Variants in NCOA2 observed in about 807,000 individuals in gnomAD.
The protein encoded by NCOA2 is nuclear receptor coactivator 2, also known as class E basic helix-loop-helix protein 75.
NCOA2 carries 21 observed loss-of-function variants against 145.1 expected under a neutral mutation model. The observed-to-expected ratio is 0.14, with a 90% CI of 0.10 to 0.21. NCOA2 has a LOEUF of 0.21. NCOA2 is among the 10% of genes least tolerant of loss of function. NCOA2 has a pLI of 1.00. For missense variants in NCOA2, 1,472 were observed against 1,837.6 expected, an observed-to-expected ratio of 0.80 and a Z score of 3.64; for synonymous variants, 619 against 637.5, an observed-to-expected ratio of 0.97 and a Z score of 0.44.
chr8:70,397,368 G>A (rs1199019248), intron 1 of NCOA2, among the ~76,000 whole-genome samples: 9 of 151,308 alleles, frequency 5.9e-5, no homozygotes, highest in African/African-American at 1.9e-4. Context: ...TGAGAGAATC[G>A]CTTGAACCCG....
At chr8:70,439,617 T>C in the NCOA2 span, among the ~76,000 whole-genome samples, 1 of 152,218 alleles carries the variant, frequency 6.6e-6, no homozygotes, top group Non-Finnish European at 1.5e-5. Context: ...GAAGATCTAA[T>C]ACGTGGATAA....
intron 2 of NCOA2, among the ~76,000 whole-genome samples, chr8:70,244,055 C>T (rs1822400508): frequency 6.6e-6 from 1 of 151,882 alleles, no homozygotes; most frequent in Non-Finnish European, 1.5e-5. Flanking sequence ...GAAAAGACAG[C>T]GAGAATTAAT....
Position 70,156,785 on chromosome 8 carries a change from T to C in NCOA2, c.1580A>G (p.His527Arg), listed in dbSNP as rs1812343569. 3.1e-6 allele frequency: 5 copies of C among 1,614,010 alleles called. No individual in the cohort carries two copies. Among genetic ancestry groups the C allele is most frequent in the Non-Finnish European group, 3.4e-6 (4 of 1,179,878 alleles). ...VGVCSSTGNS[H>R]SYTNSSLNAL... ...ATTGAGGGAGCTGTTGGTATAACTATGGCTATTTCCTGTGCTGCTGCAAAC... is the reference window on the plus strand; with the variant it reads ...ATTGAGGGAGCTGTTGGTATAACTACGGCTATTTCCTGTGCTGCTGCAAAC... The change falls in exon 11 of 23, where the codon CAT becomes CGT. Residue 527 changes from histidine to arginine, a missense_variant. Physicochemically the swap from His to Arg is conservative, Grantham distance 29. Around this residue, in one of 4 missense-constraint regions of NCOA2, gnomAD observed 953 missense variants for 1,062.1 expected, o/e 0.90. Coordinates refer to ENST00000452400, the MANE Select transcript of NCOA2 (RefSeq NM_006540.4).
At chr8:70,130,805 G>T (rs1809009253) in intron 16 of NCOA2, among the ~76,000 whole-genome samples, 1 of 152,174 alleles carries the variant, frequency 6.6e-6, no homozygotes, top group African/African-American at 2.4e-5. Flanking sequence ...GATGATTCAT[G>T]CTAAGTAAGG....
rs150161670 is a variant in NCOA2, at chr8:70,110,883, TTA to T, written c.*2747_*2748del. ...AGTTAATGTATGTATACTTTTCACA[TTA>T]TGTTTTTCACATTTAGTAATATAAG... On this transcript the variant is annotated 3_prime_UTR_variant, in exon 23 of 23. Coordinates refer to ENST00000452400, the MANE Select transcript of NCOA2 (RefSeq NM_006540.4). 941 of 221,034 alleles carry T rather than the reference TTA, an allele frequency of 4.3e-3. 3 individuals carry two copies. The highest frequency in any genetic ancestry group is 0.015 in the East Asian group (224 of 14,918). The allele number at this position is 221,034 out of a possible 1,614,324, so 13.7% of individuals were successfully genotyped here. A position where few individuals can be genotyped will look rare whatever the true frequency, so the allele number is the denominator to read the frequency against.
intron 2 of NCOA2, among the ~76,000 whole-genome samples, chr8:70,244,128 T>C (rs1349347918): frequency 1.3e-5 from 2 of 152,086 alleles, no homozygotes; most frequent in African/African-American, 2.4e-5. Context: ...CCAACCTCAA[T>C]TTCAAAAGGG....
intron 2 of NCOA2, chr8:70,273,569 A>C: frequency 1.3e-6 from 1 of 755,018 alleles, no homozygotes; most frequent in East Asian, 2.9e-5. Context: ...AGCAACAGTG[A>C]TCCACTTTAA....
intron 21 of NCOA2, among the ~76,000 whole-genome samples, chr8:70,122,772 T>C (rs978149124): frequency 9.9e-5 from 15 of 152,230 alleles, no homozygotes; most frequent in Non-Finnish European, 1.9e-4. Context: ...TTCACAAAAA[T>C]TGTGGTCTAC....
chr8:70,282,989 A>T (rs1042903084), intron 2 of NCOA2, among the ~76,000 whole-genome samples: 8 of 152,312 alleles, frequency 5.3e-5, no homozygotes, highest in African/African-American at 1.7e-4. Flanking sequence ...ATTTTAGTAA[A>T]CATCCAGAAG....
At chr8:70,264,163 G>A (rs891427240) in intron 2 of NCOA2, among the ~76,000 whole-genome samples, 4 of 151,466 alleles carry the variant, frequency 2.6e-5, no homozygotes, top group African/African-American at 9.7e-5. Context: ...GGTGAGCCGA[G>A]ATCACGCCAT....
At chr8:70,175,882 G>A (rs201692352) in intron 4 of NCOA2, among the ~76,000 whole-genome samples, 1 of 107,792 alleles carries the variant, frequency 9.3e-6, no homozygotes, top group Non-Finnish European at 2.1e-5. Flanking sequence ...TTTTTTTTTT[G>A]TCAAAAATAT....
chr8:70,377,278 T>C (rs777180816), intron 1 of NCOA2, among the ~76,000 whole-genome samples: 1 of 151,912 alleles, frequency 6.6e-6, no homozygotes, highest in African/African-American at 2.4e-5. Context: ...AAAACTTATA[T>C]TTCCTATCCA....
chr8:70,301,288 T>C (rs1827467751), intron 1 of NCOA2, among the ~76,000 whole-genome samples: 1 of 152,140 alleles, frequency 6.6e-6, no homozygotes, highest in South Asian at 2.1e-4. Flanking sequence ...AGCCCAAATG[T>C]AGGCCTCACA....
chr8:70,122,165 T>C (rs1807893800), intron 21 of NCOA2, among the ~76,000 whole-genome samples: 1 of 152,228 alleles, frequency 6.6e-6, no homozygotes, highest in African/African-American at 2.4e-5. Flanking sequence ...TTAGGAGTCA[T>C]TAGTGGCCCA....
chr8:70,185,817 T>C (rs1424439380), intron 4 of NCOA2, among the ~76,000 whole-genome samples: 1 of 152,192 alleles, frequency 6.6e-6, no homozygotes, highest in Non-Finnish European at 1.5e-5. Context: ...AATAAGTGGG[T>C]ATATGAGAAT....
At chr8:70,201,969 T>C (rs192297483) in intron 4 of NCOA2, among the ~76,000 whole-genome samples, 22 of 152,318 alleles carry the variant, frequency 1.4e-4, no homozygotes, top group African/African-American at 5.1e-4. Flanking sequence ...ATGATCATGT[T>C]TAGTGCCCTA....
chr8:70,381,436 T>C (rs567705882), intron 1 of NCOA2, among the ~76,000 whole-genome samples: 352 of 152,268 alleles, frequency 2.3e-3, no homozygotes, highest in African/African-American at 7.5e-3. Context: ...AAGGCAGTAG[T>C]GCTAATCTCT....
intron 1 of NCOA2, among the ~76,000 whole-genome samples, chr8:70,341,082 G>GAAAAAAAAAAAAAAAAAAA (rs3085558): frequency 9.5e-5 from 10 of 105,066 alleles, no homozygotes; most frequent in African/African-American, 3.2e-4. Context: ...TTAAAAAGTT[G>GAAAAAAAAAAAAAAAAAAA]AAAAAAAAAA....
At chr8:70,420,035 C>A in the NCOA2 span, among the ~76,000 whole-genome samples, 48 of 152,300 alleles carry the variant, frequency 3.2e-4, no homozygotes, top group East Asian at 8.3e-3. Flanking sequence ...GAGTATTTTT[C>A]TCCTGCTATT....
Sources: gnomAD v4.1 joint callset for allele counts (sites outside exome capture counted in the v4.1 genomes callset) on GRCh38, gnomAD v4.1.1 for gene constraint, gnomAD v4.1.1 regional missense constraint, MANE v1.5 for transcripts, NCBI Gene and HGNC (gene_info 2026-07-23, HGNC 2026-07-21) for gene names.